The following PRKCH variants were observed in gnomAD, a reference collection of about 807,000 sequenced individuals.
PRKCH encodes the protein protein kinase C eta type.
Under a neutral mutation model 82.5 loss-of-function variants are expected in PRKCH, and 28 were observed. The observed-to-expected ratio is 0.34, with a 90% CI of 0.25 to 0.47. The LOEUF (loss-of-function observed/expected upper bound fraction) is 0.47. Among genes scored for constraint, PRKCH ranks in the 20% least tolerant of loss-of-function variants. The pLI is 1.00. For missense variants in PRKCH, 705 were observed against 881.8 expected, an observed-to-expected ratio of 0.80 and a Z score of 2.54; for synonymous variants, 322 against 327.4, an observed-to-expected ratio of 0.98 and a Z score of 0.18.
intron 1 of PRKCH, among the ~76,000 whole-genome samples, chr14:61,214,452 C>T (rs963447040): frequency 2.0e-5 from 3 of 151,950 alleles, no homozygotes; most frequent in African/African-American, 7.3e-5. Context: ...TTAGGTTTGC[C>T]CATACCCATT....
At chr14:61,542,836 CAG>C (rs928073810) in intron 12 of PRKCH, among the ~76,000 whole-genome samples, 1 of 152,202 alleles carries the variant, frequency 6.6e-6, no homozygotes, top group Non-Finnish European at 1.5e-5. Flanking sequence ...GCGGTGGGAA[CAG>C]AGTGTTTAGG....
intron 10 of PRKCH, among the ~76,000 whole-genome samples, chr14:61,520,116 G>C (rs2042884732): frequency 6.7e-6 from 1 of 148,804 alleles, no homozygotes; most frequent in African/African-American, 2.5e-5. Flanking sequence ...GCTAGAATAT[G>C]TAAACACATT....
chr14:61,189,445 C>T (rs1028909222), intron 1 of PRKCH, among the ~76,000 whole-genome samples: 1 of 152,194 alleles, frequency 6.6e-6, no homozygotes, highest in East Asian at 1.9e-4. Flanking sequence ...GGGCCTTTCC[C>T]TTGTCTGCCT....
rs116463153 is a variant in PRKCH at position 61,509,282 on chromosome 14, C to T, written c.1434-19793C>T. Among the ~76,000 whole-genome samples, 1,432 of 152,246 alleles carry T rather than the reference C, an allele frequency of 9.4e-3. 29 individuals are homozygous for T. Among genetic ancestry groups the T allele is most frequent in the African/African-American group, 0.032 (1,321 of 41,510 alleles). On this transcript the variant is annotated intron_variant, in intron 10 of 13. Transcript: ENST00000332981. ...ACCCTATGACTGGCATACCGCAACA[C>T]ACTCATTAGCCCTTTGTTGGCTGAC... is the stretch of plus-strand genomic sequence containing the variant.
chr14:61,508,473 A>T (rs907521271), intron 10 of PRKCH, among the ~76,000 whole-genome samples: 1 of 152,168 alleles, frequency 6.6e-6, no homozygotes, highest in African/African-American at 2.4e-5. Context: ...AGGCCATCTT[A>T]CTGACAGCAA....
chr14:61,398,299 CA>C (rs1272291507), intron 2 of PRKCH, among the ~76,000 whole-genome samples: 1 of 150,582 alleles, frequency 6.6e-6, no homozygotes, highest in Non-Finnish European at 1.5e-5. Context: ...AGTGGAGTAG[CA>C]AAAAAAAGAA....
intron 12 of PRKCH, among the ~76,000 whole-genome samples, chr14:61,541,007 C>T (rs557623001): frequency 6.6e-6 from 1 of 152,376 alleles, no homozygotes; most frequent in Admixed American, 6.5e-5. Context: ...CTGTCATCAG[C>T]CCCATCTTGC....
intron 1 of PRKCH, among the ~76,000 whole-genome samples, chr14:61,387,350 C>T (rs1349751263): frequency 6.6e-6 from 1 of 152,212 alleles, no homozygotes; most frequent in Non-Finnish European, 1.5e-5. Context: ...GGGGCAGAAT[C>T]CCAGATGAGC....
intron 9 of PRKCH, among the ~76,000 whole-genome samples, chr14:61,479,405 C>CT (rs1885867951): frequency 6.6e-6 from 1 of 152,104 alleles, no homozygotes; most frequent in African/African-American, 2.4e-5. Flanking sequence ...TGCGGCCAGG[C>CT]TGGAGCATGG....
intron 1 of PRKCH, among the ~76,000 whole-genome samples, chr14:61,373,541 C>T (rs1231344819): frequency 1.3e-5 from 2 of 151,964 alleles, no homozygotes; most frequent in African/African-American, 2.4e-5. Context: ...CCTGGCCCCT[C>T]CCAAATCTCA....
intron 4 of PRKCH, 97 bp from the exon 5 acceptor site, chr14:61,449,067 A>C: frequency 8.9e-7 from 1 of 1,119,884 alleles, no homozygotes; most frequent in Non-Finnish European, 1.3e-6. Context: ...AGACGAGTCC[A>C]GTCTTGTTGG....
chr14:61,486,176 C>G (rs1475043039), intron 10 of PRKCH, among the ~76,000 whole-genome samples: 2 of 152,200 alleles, frequency 1.3e-5, no homozygotes, highest in Non-Finnish European at 2.9e-5. Flanking sequence ...GCTAAACACA[C>G]TGTTGTTCTC....
intron 2 of PRKCH, among the ~76,000 whole-genome samples, chr14:61,432,913 T>TA (rs897599022): frequency 2.0e-3 from 21 of 10,540 alleles, no homozygotes; most frequent in Admixed American, 4.9e-3. Flanking sequence ...TTCTTCTTAA[T>TA]AAAAAAAAAG....
At chr14:61,257,503 A>G (rs1371904044) in intron 1 of PRKCH, among the ~76,000 whole-genome samples, 3 of 151,526 alleles carry the variant, frequency 2.0e-5, no homozygotes, top group Admixed American at 6.6e-5. Flanking sequence ...GAAAATAAAA[A>G]CTCATTTTAA....
At position 61,415,538 on chromosome 14, in the gene PRKCH, T is replaced by C. The variant is rs80142291; in HGVS notation, c.427+24250T>C. Among the ~76,000 whole-genome samples the C allele has an allele frequency of 9.9e-3, 1,503 of 152,334 alleles. 28 individuals carry two copies. The highest frequency in any genetic ancestry group is 0.034 in the African/African-American group (1,421 of 41,570). On this transcript the variant is annotated intron_variant, in intron 2 of 13. Transcript: ENST00000332981. ...AATGAGGACTGTCATTTGGGGATTT[T>C]ACAGGAATTTTTGACAGCATTTACT...
At chr14:61,196,418 T>C (rs1406889192) in intron 1 of PRKCH, among the ~76,000 whole-genome samples, 3 of 152,194 alleles carry the variant, frequency 2.0e-5, no homozygotes, top group Admixed American at 6.5e-5. Flanking sequence ...TATTTGAGGT[T>C]GCTAATCTGC....
intron 1 of PRKCH, among the ~76,000 whole-genome samples, chr14:61,291,183 C>T (rs1338664324): frequency 1.3e-5 from 2 of 152,164 alleles, no homozygotes; most frequent in Non-Finnish European, 2.9e-5. Flanking sequence ...TATAGAACAT[C>T]TAGCTTTTTA....
chr14:61,280,303 G>GCGCCCCGCGGCAGC lies in PRKCH; in HGVS notation c.-19+92637_-19+92650dup. The GCGCCCCGCGGCAGC allele has an allele frequency of 6.2e-7, 1 of 1,613,812 alleles. No homozygotes were observed. Among genetic ancestry groups the GCGCCCCGCGGCAGC allele is most frequent in the Non-Finnish European group, 8.5e-7 (1 of 1,179,954 alleles). On this transcript the variant is annotated intron_variant, in intron 1 of 3. Transcript: ENST00000555185. This position sits in a 1 kb window ranked among gnomAD's most constrained non-coding sequence, Gnocchi z 5.0. ...GTTGTAGGTGATGTTGACGCGGTAG[G>GCGCCCCGCGGCAGC]CGCCCCGCGGCAGCCCGGCCGAGTA...
intron 1 of PRKCH, among the ~76,000 whole-genome samples, chr14:61,247,942 A>G (rs912346352): frequency 2.6e-5 from 4 of 152,072 alleles, no homozygotes; most frequent in African/African-American, 9.7e-5. Flanking sequence ...CTTATTTTCT[A>G]TAATTCTAAA....
Sources: gnomAD v4.1 joint callset for allele counts (sites outside exome capture counted in the v4.1 genomes callset) on GRCh38, gnomAD v4.1.1 for gene constraint, Gnocchi (gnomAD v3.1) non-coding constraint, MANE v1.5 for transcripts, NCBI Gene and HGNC (gene_info 2026-07-23, HGNC 2026-07-21) for gene names.